Variants in FSIP1 observed in about 807,000 individuals in gnomAD.
FSIP1 encodes the protein fibrous sheath-interacting protein 1.
FSIP1 carries 65 observed loss-of-function variants against 60.9 expected under a neutral mutation model. The observed-to-expected ratio is 1.07, with a 90% CI of 0.87 to 1.31. FSIP1 has a LOEUF of 1.31. Among genes scored for constraint, FSIP1 ranks in the 40% most tolerant of loss-of-function variants. FSIP1 has a pLI of 0.00. For missense variants in FSIP1, 675 were observed against 665.5 expected, an observed-to-expected ratio of 1.01 and a Z score of -0.16; for synonymous variants, 209 against 221.2, an observed-to-expected ratio of 0.94 and a Z score of 0.49.
At chr15:39,686,491 T>C (rs1894378619) in intron 10 of FSIP1, among the ~76,000 whole-genome samples, 2 of 152,270 alleles carry the variant, frequency 1.3e-5, no homozygotes, top group Non-Finnish European at 2.9e-5. Flanking sequence ...AATGCATTGT[T>C]CCAGTATTAC....
In FSIP1 at chr15:39,687,136, CCTT is replaced by C. The variant is rs1894407338; in HGVS notation, c.1188+26305_1188+26307del. Reference sequence around the variant, plus strand: ...CACCTTTCTTTCTTTCTTTTCTTTTCCTTTTTTTTTTTTTTTTTTTTTTTTTTT... The same window carrying C: ...CACCTTTCTTTCTTTCTTTTCTTTTCTTTTTTTTTTTTTTTTTTTTTTTTT... On this transcript the variant is annotated intron_variant, in intron 10 of 11. Coordinates refer to ENST00000350221, the MANE Select transcript of FSIP1 (RefSeq NM_152597.5). Among the ~76,000 whole-genome samples the C allele has an allele frequency of 3.8e-4, 18 of 47,732 alleles. 1 individual carries two copies. Among genetic ancestry groups the C allele is most frequent in the African/African-American group, 1.0e-3 (12 of 11,506 alleles). The allele number at this position is 47,732 out of a possible 152,430, so 31.3% of individuals were successfully genotyped here.
At chr15:39,647,095 G>A (rs2140429268) in intron 10 of FSIP1, among the ~76,000 whole-genome samples, 1 of 152,340 alleles carries the variant, frequency 6.6e-6, no homozygotes, top group African/African-American at 2.4e-5. Context: ...TACCAGGGAT[G>A]TGGTGAGACT....
chr15:39,665,338 T>C (rs1893454715), intron 10 of FSIP1, among the ~76,000 whole-genome samples: 1 of 152,224 alleles, frequency 6.6e-6, no homozygotes, highest in South Asian at 2.1e-4. Flanking sequence ...TCTTTAACTG[T>C]ACTGAGGAGA....
chr15:39,711,270 T>G (rs547717408), intron 10 of FSIP1, among the ~76,000 whole-genome samples: 1 of 152,266 alleles, frequency 6.6e-6, no homozygotes, highest in Admixed American at 6.5e-5. Context: ...TAGGGATGAC[T>G]TCTCACTACG....
intron 11 of FSIP1, among the ~76,000 whole-genome samples, chr15:39,610,519 T>C (rs1400746667): frequency 6.6e-6 from 1 of 152,030 alleles, no homozygotes; most frequent in African/African-American, 2.4e-5. Flanking sequence ...TACAAAAATT[T>C]GCTGGGCATG....
At chr15:39,776,633 A>T in intron 1 of FSIP1, 102 bp from the exon 2 acceptor site, 1 of 1,062,990 alleles carries the variant, frequency 9.4e-7, no homozygotes, top group Non-Finnish European at 1.4e-6. Flanking sequence ...TGTTTTAAAG[A>T]TTATGTTGCT....
chr15:39,722,182 G>A (rs1896008124), intron 9 of FSIP1, among the ~76,000 whole-genome samples: 1 of 151,972 alleles, frequency 6.6e-6, no homozygotes, highest in Admixed American at 6.6e-5. Flanking sequence ...CACATGCAAG[G>A]GATCTAGGTT....
intron 11 of FSIP1, among the ~76,000 whole-genome samples, chr15:39,610,999 G>C (rs59917450): frequency 6.6e-6 from 1 of 152,122 alleles, no homozygotes; most frequent in Non-Finnish European, 1.5e-5. Context: ...GAAATAAAAG[G>C]CTCCTAATTG....
At chr15:39,749,423 TAC>T (rs112688478) in intron 5 of FSIP1, among the ~76,000 whole-genome samples, 88,732 of 151,466 alleles carry the variant, frequency 0.59, 26,504 homozygotes, top group African/African-American at 0.69. Context: ...AATAAAATAT[TAC>T]ACCAAACCAA....
At chr15:39,690,751 C>T (rs1894564785) in intron 10 of FSIP1, among the ~76,000 whole-genome samples, 1 of 152,210 alleles carries the variant, frequency 6.6e-6, no homozygotes, top group Non-Finnish European at 1.5e-5. Context: ...TGTGATGCCT[C>T]ACACTTGGGA....
At chr15:39,652,232 A>C (rs1166360421) in intron 10 of FSIP1, among the ~76,000 whole-genome samples, 1 of 152,256 alleles carries the variant, frequency 6.6e-6, no homozygotes, top group East Asian at 1.9e-4. Flanking sequence ...ATTTTAAAAA[A>C]GAATGCTAGT....
At chr15:39,757,535 A>G (rs1218992337) in intron 5 of FSIP1, among the ~76,000 whole-genome samples, 1 of 152,096 alleles carries the variant, frequency 6.6e-6, no homozygotes, top group African/African-American at 2.4e-5. Context: ...AAATTAATAT[A>G]ATTAGGTTAA....
chr15:39,760,855 C>T (rs894124814), intron 5 of FSIP1, among the ~76,000 whole-genome samples: 3 of 152,024 alleles, frequency 2.0e-5, no homozygotes, highest in Non-Finnish European at 1.5e-5. Flanking sequence ...TTAGGAGAAG[C>T]AGGGGGGAAG....
At chr15:39,691,911 G>A (rs1267571149) in intron 10 of FSIP1, among the ~76,000 whole-genome samples, 1 of 152,154 alleles carries the variant, frequency 6.6e-6, no homozygotes, top group Non-Finnish European at 1.5e-5. Context: ...GTGATAGATA[G>A]AGAATTTTAA....
intron 5 of FSIP1, among the ~76,000 whole-genome samples, chr15:39,752,365 C>A (rs752542309): frequency 6.6e-6 from 1 of 151,976 alleles, no homozygotes; most frequent in Non-Finnish European, 1.5e-5. Context: ...ATAGCAATCT[C>A]TTTCCAAAGA....
intron 3 of FSIP1, among the ~76,000 whole-genome samples, 199 bp from the exon 4 acceptor site, chr15:39,765,945 CAG>C (rs978532318): frequency 3.3e-5 from 5 of 152,170 alleles, no homozygotes; most frequent in Admixed American, 3.3e-4. Context: ...CCCTATGAAA[CAG>C]ACATTTATCT....
chr15:39,626,631 A>G (rs898094105), intron 10 of FSIP1, among the ~76,000 whole-genome samples: 3 of 152,146 alleles, frequency 2.0e-5, no homozygotes, highest in Non-Finnish European at 4.4e-5. Context: ...AAGTTCTCAC[A>G]AGATCTGATG....
intron 10 of FSIP1, among the ~76,000 whole-genome samples, chr15:39,655,760 T>A (rs1469439814): frequency 6.6e-6 from 1 of 152,018 alleles, no homozygotes; most frequent in Non-Finnish European, 1.5e-5. Context: ...GGTGCGTGGG[T>A]CAACCTAGAG....
intron 5 of FSIP1, among the ~76,000 whole-genome samples, chr15:39,760,768 T>C (rs890328529): frequency 1.3e-5 from 2 of 152,166 alleles, no homozygotes; most frequent in Non-Finnish European, 2.9e-5. Context: ...GGTAAATTTT[T>C]AAGAAAGTCT....
Sources: gnomAD v4.1 joint callset for allele counts (sites outside exome capture counted in the v4.1 genomes callset) on GRCh38, gnomAD v4.1.1 for gene constraint, MANE v1.5 for transcripts, NCBI Gene and HGNC (gene_info 2026-07-23, HGNC 2026-07-21) for gene names.